Variants in DOCK8 observed in about 807,000 individuals in gnomAD.
DOCK8 encodes dedicator of cytokinesis protein 8.
A neutral mutation model predicts 245.6 loss-of-function variants in DOCK8; 141 were observed. The observed-to-expected ratio is 0.57, with a 90% confidence interval of 0.50 to 0.66. The LOEUF is 0.66. Among genes scored for constraint, DOCK8 ranks in the 30% least tolerant of loss-of-function variants. The pLI, the probability that DOCK8 is intolerant of heterozygous loss-of-function variation, is 0.00. For synonymous variants in DOCK8, 1,168 were observed against 970.2 expected (o/e 1.20, Z -3.79); for missense variants, 2,965 against 2,603.4 (o/e 1.14, Z -3.02).
At chr9:434,124 T>C in intron 38 of DOCK8, 149 bp downstream of exon 38, 1 of 671,826 alleles carries the variant, frequency 1.5e-6, no homozygotes, top group Non-Finnish European at 2.6e-6. Flanking sequence ...ACATTCAGAG[T>C]AGGTTAATTC....
At position 328,106 on chromosome 9, in the gene DOCK8, A is replaced by G. The variant is rs1374482668; in HGVS notation, c.979A>G (p.Ser327Gly). ...RAHTPSVAAS[S>G]QARSAVFSVT... ...TCACACGCCTTCAGTGGCCGCATCA[A>G]GTCAGGCGAGATCTGCAGTCTTCTC... Residue 327 changes from serine (S) to glycine (G), a missense_variant, in exon 9 of 48, where the codon AGT (serine) becomes GGT (glycine). Coordinates refer to ENST00000432829, the MANE Select transcript of DOCK8 (RefSeq NM_203447.4). 6.2e-7 allele frequency: 1 copy of G among 1,614,232 alleles called. No individual in the cohort carries two copies. Among genetic ancestry groups the G allele is most frequent in the Admixed American group, 1.7e-5 (1 of 60,026 alleles).
chr9:302,350 A>G (rs2049591366), intron 4 of DOCK8, among the ~76,000 whole-genome samples: 1 of 152,262 alleles, frequency 6.6e-6, no homozygotes, highest in African/African-American at 2.4e-5. Context: ...ACATTAACTC[A>G]AGATGGATTA....
chr9:334,235 A>C lies in DOCK8; in HGVS notation c.1136A>C (p.Lys379Thr), dbSNP rs1349010845. The C allele has an allele frequency of 6.2e-7, 1 of 1,614,102 alleles. No individual in the cohort carries two copies. Among genetic ancestry groups the C allele is most frequent in the African/African-American group, 1.3e-5 (1 of 74,946 alleles). ...KESDGGKSKEKIEKLKLQAES... is the reference protein window; with the variant it reads ...KESDGGKSKETIEKLKLQAES... ...TCCATTTTCCTCCAGAGTAAAGAAA[A>C]GATTGAAAAACTAAAACTCCAAGCT... Residue 379 changes from lysine to threonine, a missense_variant, in exon 11 of 48, where the codon AAG (lysine) becomes ACG (threonine). By Grantham distance (78) the Lys-to-Thr change is moderately conservative. Coordinates refer to ENST00000432829, the MANE Select transcript of DOCK8 (RefSeq NM_203447.4).
chr9:275,758 T>C (rs1341879267), intron 2 of DOCK8, among the ~76,000 whole-genome samples: 1 of 152,044 alleles, frequency 6.6e-6, no homozygotes, highest in Non-Finnish European at 1.5e-5. Context: ...CTGGCTAATT[T>C]TTGTACTTTT....
chr9:264,928 T>TTTTA (rs998956259), intron 1 of DOCK8, among the ~76,000 whole-genome samples: 2 of 152,102 alleles, frequency 1.3e-5, no homozygotes, highest in Non-Finnish European at 2.9e-5. Context: ...AAACCTTGAT[T>TTTTA]TTTATTTATT....
At chr9:214,843 G>A (rs747780047), upstream of DOCK8, 10 of 1,601,280 alleles carry the variant, frequency 6.2e-6, 1 homozygote, top group Admixed American at 8.4e-5. Context: ...AGGTGGAAAT[G>A]CGGAAGTTTC....
intron 14 of DOCK8, among the ~76,000 whole-genome samples, chr9:343,179 A>T (rs2051694597): frequency 1.3e-5 from 2 of 152,180 alleles, no homozygotes; most frequent in South Asian, 4.1e-4. Context: ...CGGAAAGGAT[A>T]AGTGAATGGT....
chr9:243,776 T>C (rs16922072), intron 1 of DOCK8, among the ~76,000 whole-genome samples: 4 of 152,134 alleles, frequency 2.6e-5, no homozygotes, highest in Non-Finnish European at 5.9e-5. Context: ...TCAGAGTGTG[T>C]CAATGAAAGG....
intron 4 of DOCK8, among the ~76,000 whole-genome samples, chr9:297,310 G>A (rs1328640095): frequency 2.6e-5 from 4 of 152,180 alleles, no homozygotes; most frequent in Admixed American, 2.0e-4. Context: ...AGGAGCCAGC[G>A]TCTGCACCCA....
intron 44 of DOCK8, among the ~76,000 whole-genome samples, chr9:448,113 T>C (rs2057321571): frequency 6.6e-6 from 1 of 152,238 alleles, no homozygotes; most frequent in Non-Finnish European, 1.5e-5. Context: ...TTTTTCATTT[T>C]TGAGACAGGA....
At chr9:334,515 T>C in intron 11 of DOCK8, 131 bp downstream of exon 11, 3 of 948,560 alleles carry the variant, frequency 3.2e-6, no homozygotes, top group Non-Finnish European at 4.8e-6. Flanking sequence ...ATAAATAGAA[T>C]GAAACACTGT....
At chr9:423,137 C>T (rs2056345264) in intron 33 of DOCK8, among the ~76,000 whole-genome samples, 1 of 151,750 alleles carries the variant, frequency 6.6e-6, no homozygotes, top group Non-Finnish European at 1.5e-5. Flanking sequence ...TTATACTTTG[C>T]TATGTTTCCT....
intron 26 of DOCK8, among the ~76,000 whole-genome samples, chr9:400,755 T>TCAC (rs1370209694): frequency 2.3e-3 from 7 of 3,098 alleles, no homozygotes; most frequent in Admixed American, 3.5e-3. Flanking sequence ...ATCTTCACCA[T>TCAC]CACCACCACC....
intron 45 of DOCK8, among the ~76,000 whole-genome samples, chr9:450,387 T>A (rs1398845453): frequency 6.6e-6 from 1 of 152,138 alleles, no homozygotes; most frequent in Non-Finnish European, 1.5e-5. Flanking sequence ...CCAAGGACCT[T>A]GACAACCAGG....
At chr9:253,327 C>G (rs923869264) in intron 1 of DOCK8, among the ~76,000 whole-genome samples, 1 of 152,204 alleles carries the variant, frequency 6.6e-6, no homozygotes, top group Non-Finnish European at 1.5e-5. Context: ...GAATTACAAG[C>G]ATAGCAAGTT....
intron 23 of DOCK8, among the ~76,000 whole-genome samples, chr9:387,568 C>A (rs142708057): frequency 7.2e-5 from 11 of 152,340 alleles, no homozygotes; most frequent in African/African-American, 2.6e-4. Flanking sequence ...ATGAGCCTCC[C>A]CAAGTCTCCC....
At chr9:392,885 T>C (rs958826890) in intron 24 of DOCK8, among the ~76,000 whole-genome samples, 2 of 151,852 alleles carry the variant, frequency 1.3e-5, no homozygotes, top group African/African-American at 4.8e-5. Context: ...CCCACCATCA[T>C]GTCTCTCCAT....
At chr9:217,721 C>T (rs1195371909) in intron 1 of DOCK8, among the ~76,000 whole-genome samples, 1 of 152,126 alleles carries the variant, frequency 6.6e-6, no homozygotes, top group Non-Finnish European at 1.5e-5. Flanking sequence ...CTTATTGTGT[C>T]CCAGACACTA....
At chr9:333,199 G>A (rs1180127618) in intron 10 of DOCK8, among the ~76,000 whole-genome samples, 2 of 152,194 alleles carry the variant, frequency 1.3e-5, no homozygotes, top group Non-Finnish European at 2.9e-5. Context: ...GGAATTGGCT[G>A]CCACTACCAT....
Sources: allele counts gnomAD v4.1 joint callset (sites outside exome capture counted in the v4.1 genomes callset), GRCh38; gene constraint gnomAD v4.1.1; transcripts MANE v1.5; gene names NCBI Gene and HGNC (gene_info 2026-07-23, HGNC 2026-07-21).